The following ROS1 variants were observed in gnomAD, a reference collection of about 807,000 sequenced individuals.
ROS1 encodes the protein ROS proto-oncogene 1, receptor tyrosine kinase.
In ROS1, 263 loss-of-function variants were observed where a neutral mutation model predicts 273.5. The ratio of observed to expected loss-of-function variants is 0.96; its 90% CI spans 0.87 to 1.06. The LOEUF is 1.06. ROS1 is among the 50% of genes least tolerant of loss of function. ROS1 has a pLI of 0.00. For missense variants in ROS1, 2,833 were observed against 2,751.1 expected (o/e 1.03, Z -0.67); for synonymous variants, 1,008 against 954.1 (o/e 1.06, Z -1.04).
At chr6:117,391,176 C>G (rs1453390906) in intron 12 of ROS1, among the ~76,000 whole-genome samples, 1 of 152,172 alleles carries the variant, frequency 6.6e-6, no homozygotes, top group Non-Finnish European at 1.5e-5. Flanking sequence ...GAGATATAAG[C>G]TCCATTTTGA....
chr6:117,378,881 T>TA (rs1260380505), intron 18 of ROS1, among the ~76,000 whole-genome samples, 178 bp downstream of exon 18: 2 of 152,192 alleles, frequency 1.3e-5, no homozygotes, highest in East Asian at 3.8e-4. Context: ...TCACAGCACT[T>TA]ACCATATTCT....
rs1025858435 is a variant in ROS1, at chr6:117,288,295, A to G, written c.*197T>C. On this transcript the variant is annotated 3_prime_UTR_variant, in exon 44 of 44. Transcript: ENST00000368507. Reference sequence around the variant, plus strand: ...TAGTGTTCATCTCATAATTCTACTGAAAGTCAGGCAGCTGGTATGGGGATT... The same window carrying G: ...TAGTGTTCATCTCATAATTCTACTGGAAGTCAGGCAGCTGGTATGGGGATT... 8.5e-6 allele frequency: 5 copies of G among 586,816 alleles called. No homozygotes were observed. In the African/African-American group the frequency reaches 9.4e-5, roughly 11 times the overall value. The allele number at this position is 586,816 out of a possible 1,614,324, so 36.4% of individuals were successfully genotyped here.
At chr6:117,338,802 G>A (rs1223083854) in intron 31 of ROS1, among the ~76,000 whole-genome samples, 1 of 152,032 alleles carries the variant, frequency 6.6e-6, no homozygotes, top group East Asian at 1.9e-4. Flanking sequence ...AAGGGTGTCA[G>A]GACTTTCCAT....
intron 32 of ROS1, among the ~76,000 whole-genome samples, chr6:117,331,511 G>A (rs1351801215): frequency 6.6e-6 from 1 of 152,026 alleles, no homozygotes; most frequent in Non-Finnish European, 1.5e-5. Context: ...GATACTCCAC[G>A]AGAAGATCAA....
intron 3 of ROS1, among the ~76,000 whole-genome samples, chr6:117,415,074 A>G (rs1775236682): frequency 6.6e-6 from 1 of 152,252 alleles, no homozygotes; most frequent in African/African-American, 2.4e-5. Flanking sequence ...TAACAATCTA[A>G]AAAAGACAGA....
At chr6:117,375,329 C>T (rs1386101735) in intron 18 of ROS1, among the ~76,000 whole-genome samples, 1 of 152,160 alleles carries the variant, frequency 6.6e-6, no homozygotes, top group African/African-American at 2.4e-5. Flanking sequence ...AGACTACACA[C>T]TGGGTACAGT....
At chr6:117,408,801 C>T (rs1031909421) in intron 5 of ROS1, among the ~76,000 whole-genome samples, 1 of 152,126 alleles carries the variant, frequency 6.6e-6, no homozygotes, top group Admixed American at 6.5e-5. Context: ...ACAGCAAAGA[C>T]TTGGAACCAA....
intron 5 of ROS1, among the ~76,000 whole-genome samples, chr6:117,405,889 C>T (rs192026167): frequency 6.6e-6 from 1 of 152,258 alleles, no homozygotes; most frequent in East Asian, 1.9e-4. Flanking sequence ...ATTTTCTCAC[C>T]TGTAAAATGA....
rs1032911674 is a variant in ROS1, at chr6:117,369,138, T to C, written c.2583-2848A>G. Among the ~76,000 whole-genome samples, 4 of 152,182 alleles carry C rather than the reference T, an allele frequency of 2.6e-5. 1 individual carries two copies. In the South Asian group the frequency reaches 8.3e-4, roughly 31 times the overall value. On this transcript the variant is annotated intron_variant, in intron 18 of 43. Transcript: ENST00000368507. ...AAGATGACTCTGGAATCCCAATCTC[T>C]ATATATAAAACTTCTTTTTTTCCTG... is the stretch of plus-strand genomic sequence containing the variant.
rs118189679 is a variant in ROS1, at chr6:117,292,448, A to C, written c.6716-3646T>G. Among the ~76,000 whole-genome samples, 617 of 152,248 alleles carry C rather than the reference A, an allele frequency of 4.1e-3. 4 individuals carry two copies. Among genetic ancestry groups the C allele is most frequent in the Non-Finnish European group, 5.0e-3 (343 of 68,010 alleles). On this transcript the variant is annotated intron_variant, in intron 43 of 43. Coordinates refer to ENST00000368507, the MANE Select transcript of ROS1 (RefSeq NM_001378902.1). ...AGCCTCTCTCCTCTGGATTTCCATA[A>C]CAACACTCCCTATGGCTTTCCTCTT... is the stretch of plus-strand genomic sequence containing the variant.
At chr6:117,390,063 T>C (rs1385217402) in intron 12 of ROS1, among the ~76,000 whole-genome samples, 1 of 152,250 alleles carries the variant, frequency 6.6e-6, no homozygotes, top group Non-Finnish European at 1.5e-5. Context: ...GCCTCACTTG[T>C]AATGCTTAGT....
rs2128744240 is a variant in ROS1, at chr6:117,416,250, A to G, written c.228+8T>C. On this transcript the variant is annotated splice_region_variant and intron_variant, in intron 3 of 43. Transcript: ENST00000368507. ...CAGTATCAAAATAGAAATCTAATTA[A>G]TACTTACACACTTTAAAGCACAGTT... 6.6e-7 allele frequency: 1 copy of G among 1,505,384 alleles called. No individual in the cohort carries two copies. The highest frequency in any genetic ancestry group is 2.3e-5 in the East Asian group (1 of 44,334). 93.3% of individuals were successfully genotyped at this position (1,505,384 alleles called of 1,614,324 possible).
chr6:117,366,070 C>T lies in ROS1; in HGVS notation c.2797+6G>A, dbSNP rs767383557. On this transcript the variant is annotated splice_donor_region_variant and intron_variant, in intron 19 of 43. Coordinates refer to ENST00000368507, the MANE Select transcript of ROS1 (RefSeq NM_001378902.1). The stretch of plus-strand genomic sequence containing the variant: ...GAGTAGGGTAAGCAGGAATGAAATA[C>T]TGTACCTGGCAGGGGCTTAAGGGAT... 30 of 1,605,796 alleles carry T rather than the reference C, an allele frequency of 1.9e-5. 1 individual carries two copies. The East Asian group carries it at 6.5e-4, about 35-fold the overall frequency.
At chr6:117,394,808 C>A in intron 9 of ROS1, 70 bp from the exon 10 acceptor site, 4 of 1,360,384 alleles carry the variant, frequency 2.9e-6, no homozygotes, top group African/African-American at 1.4e-5. Flanking sequence ...CAAAAAAGAT[C>A]AGTACTACCC....
intron 22 of ROS1, among the ~76,000 whole-genome samples, chr6:117,362,160 C>T (rs1404631662): frequency 2.6e-5 from 4 of 152,088 alleles, no homozygotes; most frequent in African/African-American, 9.6e-5. Flanking sequence ...TGCAAAGTTC[C>T]CTGAATGTGA....
chr6:117,396,311 T>C (rs1164182856), intron 8 of ROS1, 47 bp from the exon 9 acceptor site: 3 of 1,284,414 alleles, frequency 2.3e-6, no homozygotes, highest in Non-Finnish European at 3.4e-6. Context: ...TGGCATGGTG[T>C]GAACATGAGA....
At chr6:117,333,918 C>A (rs913424503) in intron 32 of ROS1, among the ~76,000 whole-genome samples, 1 of 152,018 alleles carries the variant, frequency 6.6e-6, no homozygotes, top group Non-Finnish European at 1.5e-5. Flanking sequence ...GGAAGAATTC[C>A]CTTTGAAAAC....
intron 43 of ROS1, among the ~76,000 whole-genome samples, chr6:117,296,088 T>C (rs569557530): frequency 1.3e-5 from 2 of 152,262 alleles, no homozygotes; most frequent in South Asian, 2.1e-4. Flanking sequence ...GGAAGCAACC[T>C]AAGTGTCCAT....
chr6:117,401,375 C>T (rs1237733077), intron 7 of ROS1, among the ~76,000 whole-genome samples: 1 of 152,218 alleles, frequency 6.6e-6, no homozygotes, highest in Non-Finnish European at 1.5e-5. Context: ...AAAATCTGTA[C>T]TCCTTATCAG....
Sources: allele counts gnomAD v4.1 joint callset (sites outside exome capture counted in the v4.1 genomes callset), GRCh38; gene constraint gnomAD v4.1.1; transcripts MANE v1.5; gene names NCBI Gene and HGNC (gene_info 2026-07-23, HGNC 2026-07-21).